The following ZSWIM5 variants were observed in gnomAD, a reference collection of about 807,000 sequenced individuals.
ZSWIM5 encodes the protein zinc finger SWIM domain-containing protein 5.
ZSWIM5 carries 55 observed loss-of-function variants against 119.6 expected under a neutral mutation model. The ratio of observed to expected loss-of-function variants is 0.46; its 90% CI spans 0.37 to 0.58. The LOEUF is 0.58. Ranked by LOEUF, ZSWIM5 falls within the 20% of genes least tolerant of loss-of-function variation. The pLI is 0.00. For missense variants in ZSWIM5, 1,193 were observed against 1,512.8 expected (o/e 0.79, Z 3.51); for synonymous variants, 537 against 606.9 (o/e 0.88, Z 1.69).
chr1:45,154,377 G>T (rs1645814884), intron 1 of ZSWIM5, among the ~76,000 whole-genome samples: 1 of 152,170 alleles, frequency 6.6e-6, no homozygotes, highest in South Asian at 2.1e-4. Flanking sequence ...ACAGCATGGT[G>T]CTGGTATAAA....
intron 4 of ZSWIM5, among the ~76,000 whole-genome samples, chr1:45,055,711 G>A (rs1645117680): frequency 6.6e-6 from 1 of 152,168 alleles, no homozygotes; most frequent in Non-Finnish European, 1.5e-5. Context: ...GATGCTGGGG[G>A]GCACTCAATA....
At chr1:45,030,317 G>A (rs926004957) in intron 11 of ZSWIM5, among the ~76,000 whole-genome samples, 4 of 151,868 alleles carry the variant, frequency 2.6e-5, no homozygotes, top group Admixed American at 2.0e-4. Flanking sequence ...GCGCAATCTC[G>A]GCTCACTGCA....
At chr1:45,055,358 T>A (rs1045976359) in intron 4 of ZSWIM5, among the ~76,000 whole-genome samples, 5 of 152,062 alleles carry the variant, frequency 3.3e-5, no homozygotes, top group Non-Finnish European at 7.4e-5. Flanking sequence ...ACCCCTGACC[T>A]CAGGTGATCT....
In ZSWIM5 at chr1:45,092,542, C is replaced by A. The variant is rs1303797477; in HGVS notation, c.596-4305G>T. Among the ~76,000 whole-genome samples, 6 of 91,562 alleles carry A rather than the reference C, an allele frequency of 6.6e-5. 1 individual carries two copies. The highest frequency in any genetic ancestry group is 1.6e-4 in the Non-Finnish European group (6 of 38,674). The allele number at this position is 91,562 out of a possible 152,430, so 60.1% of individuals were successfully genotyped here. A position where few individuals can be genotyped will look rare whatever the true frequency, so the allele number is the denominator to read the frequency against. On this transcript the variant is annotated intron_variant, in intron 1 of 13. Coordinates refer to ENST00000359600, the MANE Select transcript of ZSWIM5 (RefSeq NM_020883.2). ...GAACTTGTGACCTCGTGATCCACCC[C>A]CCCCCCCCCGCCAGCCTTACAAAGT...
chr1:45,128,785 T>C (rs956956850), intron 1 of ZSWIM5, among the ~76,000 whole-genome samples: 1 of 152,212 alleles, frequency 6.6e-6, no homozygotes, highest in Non-Finnish European at 1.5e-5. Context: ...ATTCATCCTT[T>C]CCCTGCTACT....
rs779883642 is a variant in ZSWIM5 at position 45,038,974 on chromosome 1, G to T, written c.1856C>A (p.Ala619Asp). ...IDCLFLTLTEACRLNDDGYLE... is the reference protein window; with the variant it reads ...IDCLFLTLTEDCRLNDDGYLE... ...ATAGCCATCATCATTCAGGCGGCAG[G>T]CCTCAGTCAAAGTGAGAAACAGGCA... Residue 619 changes from alanine (A) to aspartate (D), a missense_variant, in exon 8 of 14, where the codon GCC becomes GAC. Ala to Asp is a moderately radical substitution (Grantham distance 126). Transcript: ENST00000359600. 1 of 1,614,078 alleles carries T rather than the reference G, an allele frequency of 6.2e-7. No homozygotes were observed. Among genetic ancestry groups the T allele is most frequent in the South Asian group, 1.1e-5 (1 of 91,080 alleles).
At chr1:45,146,783 C>T (rs1395377378) in intron 1 of ZSWIM5, among the ~76,000 whole-genome samples, 1 of 152,040 alleles carries the variant, frequency 6.6e-6, no homozygotes, top group Admixed American at 6.6e-5. Context: ...GCTCCATTGG[C>T]CAGCTCTATA....
At chr1:45,094,458 AC>A (rs1203852794) in intron 1 of ZSWIM5, among the ~76,000 whole-genome samples, 1 of 151,890 alleles carries the variant, frequency 6.6e-6, no homozygotes, top group Non-Finnish European at 1.5e-5. Context: ...AAAAATCCTT[AC>A]TGGCTGGGTG....
At chr1:45,113,851 C>T (rs1447616861) in intron 1 of ZSWIM5, among the ~76,000 whole-genome samples, 1 of 152,162 alleles carries the variant, frequency 6.6e-6, no homozygotes, top group African/African-American at 2.4e-5. Flanking sequence ...AAAAATTATG[C>T]TCCTCCTGAT....
At chr1:45,146,251 A>G (rs1645758747) in intron 1 of ZSWIM5, among the ~76,000 whole-genome samples, 1 of 152,030 alleles carries the variant, frequency 6.6e-6, no homozygotes, top group Non-Finnish European at 1.5e-5. Flanking sequence ...GGGAATATCC[A>G]ATAGAGAATA....
At chr1:45,202,094 G>A (rs1646161990) in intron 1 of ZSWIM5, among the ~76,000 whole-genome samples, 1 of 151,742 alleles carries the variant, frequency 6.6e-6, no homozygotes. Flanking sequence ...AAGCACACCC[G>A]CTTAAAGGAA....
intron 1 of ZSWIM5, among the ~76,000 whole-genome samples, chr1:45,173,833 A>C (rs1386850707): frequency 6.6e-6 from 1 of 152,192 alleles, no homozygotes; most frequent in African/African-American, 2.4e-5. Context: ...ATATTTACAC[A>C]GCTTTAAAAG....
chr1:45,087,437 C>A (rs1025792987), intron 2 of ZSWIM5, among the ~76,000 whole-genome samples: 1 of 152,178 alleles, frequency 6.6e-6, no homozygotes, highest in Non-Finnish European at 1.5e-5. Context: ...AGTTCATAAG[C>A]ACAATGCTAA....
At chr1:45,048,019 C>G (rs1045476851) in intron 5 of ZSWIM5, among the ~76,000 whole-genome samples, 3 of 150,178 alleles carry the variant, frequency 2.0e-5, no homozygotes, top group African/African-American at 7.3e-5. Context: ...AAAATAAGAC[C>G]AGTTATTATG....
chr1:45,168,019 G>A (rs1055335841), intron 1 of ZSWIM5, among the ~76,000 whole-genome samples: 7 of 152,202 alleles, frequency 4.6e-5, no homozygotes, highest in Non-Finnish European at 8.8e-5. Context: ...AAAGACACAT[G>A]CACACGTATG....
chr1:45,030,049 A>G (rs1557740670), intron 11 of ZSWIM5, among the ~76,000 whole-genome samples: 1 of 152,058 alleles, frequency 6.6e-6, no homozygotes, highest in South Asian at 2.1e-4. Flanking sequence ...GGCTCAAGCA[A>G]TCCTCTTGCT....
intron 1 of ZSWIM5, among the ~76,000 whole-genome samples, chr1:45,091,867 ATTATC>A (rs1645366092): frequency 6.6e-6 from 1 of 152,060 alleles, no homozygotes; most frequent in South Asian, 2.1e-4. Context: ...GTCATCAATA[ATTATC>A]TTAGTAGGAT....
chr1:45,088,053 G>A lies in ZSWIM5; in HGVS notation c.780C>T (p.Asp260=), dbSNP rs1237748690. The part of the protein sequence containing the change: ...ALSLYRIRKP[D]QVKLRLPISE... ...AGATAGGAAGACGCAATTTGACTTGGTCTGGTTTACGGATCCTGTAGAGTG... is the reference window on the plus strand; with the variant it reads ...AGATAGGAAGACGCAATTTGACTTGATCTGGTTTACGGATCCTGTAGAGTG... Residue 260 remains aspartate (D), a synonymous_variant, in exon 2 of 14, where the codon GAC becomes GAT. Transcript: ENST00000359600. The surrounding 1 kb of genome is among the most constrained non-coding windows in gnomAD (Gnocchi z 4.2). 3.1e-6 allele frequency: 5 copies of A among 1,614,068 alleles called. No homozygotes were observed. The highest frequency in any genetic ancestry group is 4.2e-6 in the Non-Finnish European group (5 of 1,180,036).
chr1:45,050,755 A>C (rs1475317671), intron 5 of ZSWIM5, among the ~76,000 whole-genome samples: 1 of 152,154 alleles, frequency 6.6e-6, no homozygotes, highest in East Asian at 1.9e-4. Context: ...ACCAACCCCA[A>C]CTGAAGCCAA....
Sources: gnomAD v4.1 joint callset for allele counts (sites outside exome capture counted in the v4.1 genomes callset) on GRCh38, gnomAD v4.1.1 for gene constraint, Gnocchi (gnomAD v3.1) non-coding constraint, MANE v1.5 for transcripts, NCBI Gene and HGNC (gene_info 2026-07-23, HGNC 2026-07-21) for gene names.